Variants in WWOX observed in about 807,000 individuals in gnomAD.
WWOX encodes WW domain-containing oxidoreductase.
WWOX carries 69 observed loss-of-function variants against 46.2 expected under a neutral mutation model. The observed-to-expected ratio is 1.49, with a 90% confidence interval of 1.23 to 1.82. The LOEUF (loss-of-function observed/expected upper bound fraction) is 1.82, where lower values mean the gene tolerates loss of function less well. Among genes scored for constraint, WWOX ranks in the 40% most tolerant of loss-of-function variants. WWOX has a pLI of 0.00. For missense variants in WWOX, 919 were observed against 542.6 expected (o/e 1.69, Z -6.89); for synonymous variants, 359 against 202.6 (o/e 1.77, Z -6.56).
intron 5 of WWOX, among the ~76,000 whole-genome samples, chr16:78,260,877 C>A (rs930209866): frequency 7.2e-6 from 1 of 139,320 alleles, no homozygotes; most frequent in African/African-American, 2.8e-5. Flanking sequence ...GTGGAGGTTG[C>A]AGTGAGCCGA....
chr16:78,167,495 C>T (rs1318654937), intron 5 of WWOX: 1 of 152,104 alleles, frequency 6.6e-6, no homozygotes, highest in Non-Finnish European at 1.5e-5. Context: ...CATTCACCGT[C>T]GGGGACACAG....
chr16:78,104,219 C>T (rs2031986851), intron 1 of WWOX, among the ~76,000 whole-genome samples: 1 of 141,270 alleles, frequency 7.1e-6, no homozygotes, highest in African/African-American at 2.6e-5. Context: ...TGCTAACTTA[C>T]ACTGTGCTCA....
At chr16:78,151,452 G>A (rs2151720867) in intron 4 of WWOX, among the ~76,000 whole-genome samples, 1 of 152,192 alleles carries the variant, frequency 6.6e-6, no homozygotes, top group Non-Finnish European at 1.5e-5. Context: ...GGTTTCTGTA[G>A]AGAATACCTT....
chr16:78,603,080 G>A (rs1490492218), intron 8 of WWOX, among the ~76,000 whole-genome samples: 1 of 152,186 alleles, frequency 6.6e-6, no homozygotes, highest in Non-Finnish European at 1.5e-5. Flanking sequence ...GCAATCAGAT[G>A]TTTTATTTGT....
At chr16:78,608,278 A>C (rs2045812430) in intron 8 of WWOX, among the ~76,000 whole-genome samples, 1 of 152,238 alleles carries the variant, frequency 6.6e-6, no homozygotes, top group Non-Finnish European at 1.5e-5. Context: ...CATGAGGTTC[A>C]GCTTAAAAGG....
At chr16:78,218,332 C>T (rs573800537) in intron 5 of WWOX, among the ~76,000 whole-genome samples, 25 of 152,214 alleles carry the variant, frequency 1.6e-4, no homozygotes, top group African/African-American at 5.3e-4. Flanking sequence ...TTAAGCAGTC[C>T]TCCTCCAGCC....
chr16:78,273,320 C>A (rs1308643662), intron 5 of WWOX, among the ~76,000 whole-genome samples: 1 of 151,262 alleles, frequency 6.6e-6, no homozygotes, highest in Non-Finnish European at 1.5e-5. Flanking sequence ...TCTAAGTTTC[C>A]CCAAGCTGAT....
intron 6 of WWOX, among the ~76,000 whole-genome samples, chr16:78,410,374 T>C (rs370847390): frequency 6.6e-6 from 1 of 152,216 alleles, no homozygotes; most frequent in Non-Finnish European, 1.5e-5. Context: ...TAAGGTAATA[T>C]GTTCAGTGGC....
intron 8 of WWOX, among the ~76,000 whole-genome samples, chr16:78,522,936 G>A (rs1418879673): frequency 6.6e-6 from 1 of 152,220 alleles, no homozygotes; most frequent in African/African-American, 2.4e-5. Context: ...GCCAGGCATG[G>A]TGGCATGTGC....
chr16:78,932,006 T>C (rs936690858), intron 8 of WWOX, among the ~76,000 whole-genome samples: 2 of 152,252 alleles, frequency 1.3e-5, no homozygotes, highest in Admixed American at 6.5e-5. Flanking sequence ...GACATGTGTT[T>C]GCTCCACATT....
At chr16:79,102,457 T>G (rs2049220793) in intron 8 of WWOX, among the ~76,000 whole-genome samples, 1 of 152,178 alleles carries the variant, frequency 6.6e-6, no homozygotes, top group Non-Finnish European at 1.5e-5. Flanking sequence ...CATTGGAGAT[T>G]TGAAATGTGA....
intron 8 of WWOX, among the ~76,000 whole-genome samples, chr16:78,745,612 A>C (rs1325785523): frequency 9.3e-6 from 1 of 107,670 alleles, no homozygotes; most frequent in African/African-American, 3.7e-5. Context: ...AGGATTTTTT[A>C]TGGTAAACAT....
intron 8 of WWOX, chr16:78,872,633 C>G (rs913186430): frequency 6.6e-6 from 1 of 152,160 alleles, no homozygotes; most frequent in African/African-American, 2.4e-5. Flanking sequence ...TCTTTCTCAT[C>G]CTTTTGCTTA....
At chr16:78,734,534 T>G (rs1447900192) in intron 8 of WWOX, among the ~76,000 whole-genome samples, 3 of 152,146 alleles carry the variant, frequency 2.0e-5, no homozygotes, top group African/African-American at 7.2e-5. Flanking sequence ...CCTCAGACCT[T>G]GGACCTCACT....
intron 8 of WWOX, among the ~76,000 whole-genome samples, chr16:78,621,979 G>A (rs535803434): frequency 6.6e-6 from 1 of 152,142 alleles, no homozygotes; most frequent in South Asian, 2.1e-4. Context: ...TGATGTTTTA[G>A]TGCTCCTGGA....
At chr16:78,935,214 G>C (rs7198080) in intron 8 of WWOX, among the ~76,000 whole-genome samples, 71,113 of 151,970 alleles carry the variant, frequency 0.47, 16,863 homozygotes, top group Non-Finnish European at 0.51. Flanking sequence ...CAAGGATCTA[G>C]AACTAGAAAT....
At chr16:78,389,838 G>C (rs1211534969) in intron 6 of WWOX, among the ~76,000 whole-genome samples, 1 of 152,064 alleles carries the variant, frequency 6.6e-6, no homozygotes, top group Admixed American at 6.6e-5. Flanking sequence ...GCAACCTCTG[G>C]CCTTGGGTTC....
intron 7 of WWOX, among the ~76,000 whole-genome samples, chr16:78,427,021 GTAT>G (rs1367399106): frequency 9.2e-5 from 14 of 152,194 alleles, no homozygotes; most frequent in African/African-American, 3.4e-4. Context: ...GCTGGCTTGT[GTAT>G]TACCTTCGCA....
At chr16:78,626,958 A>G (rs1034852453) in intron 8 of WWOX, among the ~76,000 whole-genome samples, 4 of 152,096 alleles carry the variant, frequency 2.6e-5, no homozygotes, top group Non-Finnish European at 5.9e-5. Context: ...CTTGTGATGT[A>G]CACACATCAT....
Sources: gnomAD v4.1 joint callset for allele counts (sites outside exome capture counted in the v4.1 genomes callset) on GRCh38, gnomAD v4.1.1 for gene constraint, MANE v1.5 for transcripts, NCBI Gene and HGNC (gene_info 2026-07-23, HGNC 2026-07-21) for gene names.